Variants in MAST4 observed in about 807,000 individuals in gnomAD.
MAST4 encodes microtubule-associated serine/threonine-protein kinase 4.
A neutral mutation model predicts 162.7 loss-of-function variants in MAST4; 89 were observed. That is an observed-to-expected ratio of 0.55 (90% confidence interval 0.46 to 0.65). MAST4 has a LOEUF of 0.65. Ranked by LOEUF, MAST4 falls within the 30% of genes least tolerant of loss-of-function variation. The pLI, the probability that MAST4 is intolerant of heterozygous loss-of-function variation, is 0.00. For missense variants in MAST4, 3,153 were observed against 3,374.0 expected (o/e 0.93, Z 1.62); for synonymous variants, 1,479 against 1,361.1 (o/e 1.09, Z -1.91).
At chr5:66,662,075 C>CTT (rs34694800) in intron 1 of MAST4, among the ~76,000 whole-genome samples, 2 of 144,612 alleles carry the variant, frequency 1.4e-5, no homozygotes, top group African/African-American at 2.5e-5. Context: ...TAGTTAATCC[C>CTT]TTTTTTTTTT....
intron 1 of MAST4, among the ~76,000 whole-genome samples, chr5:66,681,784 CT>C (rs1333875070): frequency 8.5e-5 from 13 of 152,216 alleles, no homozygotes; most frequent in African/African-American, 3.1e-4. Flanking sequence ...TCTCTGCTGT[CT>C]TCTCTGTCCT....
intron 1 of MAST4, among the ~76,000 whole-genome samples, chr5:66,728,213 G>T (rs1168987553): frequency 6.6e-6 from 1 of 152,184 alleles, no homozygotes. Flanking sequence ...CACTAGGAAA[G>T]ATATGGAGCC....
chr5:67,166,827 G>T lies in MAST4; in HGVS notation c.7648G>T (p.Ala2550Ser), dbSNP rs763810975. Residue 2550 changes from alanine (A) to serine (S), a missense_variant, in exon 29 of 29, where the codon GCT (alanine) becomes TCT (serine). By Grantham distance (99) the Ala-to-Ser change is moderately conservative. Around this residue, in one of 7 missense-constraint regions of MAST4, gnomAD observed 1,644 missense variants for 1,495.0 expected, o/e 1.10. Coordinates refer to ENST00000403625, the MANE Select transcript of MAST4 (RefSeq NM_001164664.2). ...TMGGASHRDR[A>S]LSVTATVGET... ...GGGCGGGGCCAGCCACCGGGACAGG[G>T]CTCTCTCGGTGACTGCCACCGTAGG... 6.2e-7 allele frequency: 1 copy of T among 1,604,432 alleles called. No individual in the cohort carries two copies. Among genetic ancestry groups the T allele is most frequent in the Non-Finnish European group, 8.5e-7 (1 of 1,175,982 alleles).
chr5:66,681,121 T>C (rs3857274), intron 1 of MAST4, among the ~76,000 whole-genome samples: 92,497 of 152,158 alleles, frequency 0.61, 28,481 homozygotes, highest in South Asian at 0.7. Context: ...GTGCTAACTT[T>C]GCAAGTTTGT....
At chr5:66,712,345 T>C (rs1750548785) in intron 1 of MAST4, among the ~76,000 whole-genome samples, 1 of 152,340 alleles carries the variant, frequency 6.6e-6, no homozygotes, top group South Asian at 2.1e-4. Flanking sequence ...TTATAAAGAA[T>C]AGAGCATAGT....
intron 2 of MAST4, among the ~76,000 whole-genome samples, chr5:66,781,575 G>A (rs1201757635): frequency 6.6e-6 from 1 of 152,114 alleles, no homozygotes; most frequent in Admixed American, 6.5e-5. Context: ...CAAAACCCTT[G>A]AGAGCGATAT....
intron 4 of MAST4, among the ~76,000 whole-genome samples, chr5:66,913,247 A>G (rs1763892866): frequency 6.6e-6 from 1 of 152,072 alleles, no homozygotes; most frequent in Admixed American, 6.6e-5. Context: ...TCTCCCCCAG[A>G]AGTTTTCTCC....
intron 1 of MAST4, among the ~76,000 whole-genome samples, chr5:66,728,566 C>T (rs1751655197): frequency 1.3e-5 from 2 of 152,150 alleles, no homozygotes; most frequent in South Asian, 2.1e-4. Flanking sequence ...AAATTTTAGA[C>T]ATGAGATTTA....
At chr5:66,970,870 C>G (rs1272768781) in intron 4 of MAST4, among the ~76,000 whole-genome samples, 1 of 152,172 alleles carries the variant, frequency 6.6e-6, no homozygotes, top group Non-Finnish European at 1.5e-5. Flanking sequence ...ATCTATGGAG[C>G]CCACACATCT....
At chr5:66,642,733 A>G (rs1446891253) in intron 1 of MAST4, among the ~76,000 whole-genome samples, 2 of 152,198 alleles carry the variant, frequency 1.3e-5, no homozygotes, top group African/African-American at 4.8e-5. Context: ...ATACACACTG[A>G]GAATACTCAG....
intron 2 of MAST4, among the ~76,000 whole-genome samples, chr5:66,780,742 T>C (rs187758722): frequency 1.2e-4 from 17 of 146,330 alleles, no homozygotes; most frequent in Non-Finnish European, 2.4e-4. Context: ...AGAGTGCTGA[T>C]TGGTTCATTT....
chr5:66,645,670 A>G (rs73764797), intron 1 of MAST4, among the ~76,000 whole-genome samples: 2,527 of 152,306 alleles, frequency 0.017, 63 homozygotes, highest in African/African-American at 0.058. Context: ...AACCACTTAA[A>G]TATCTTGAAA....
rs1480237803 is a variant in MAST4 at position 66,606,798 on chromosome 5, A to G, written c.363+9780A>G. Among the ~76,000 whole-genome samples the G allele has an allele frequency of 2.6e-5, 4 of 152,196 alleles. No individual in the cohort carries two copies. The East Asian group carries it at 7.7e-4, about 29-fold the overall frequency. ...GGGTAAAAATAATACATTACACAAA[A>G]TCGCACTTGAGACATAATGTGTGGC... On this transcript the variant is annotated intron_variant, in intron 1 of 28. Transcript: ENST00000403625.
intron 5 of MAST4, among the ~76,000 whole-genome samples, chr5:67,076,812 T>C (rs1761707080): frequency 6.6e-6 from 1 of 152,302 alleles, no homozygotes; most frequent in Admixed American, 6.5e-5. Flanking sequence ...GGGAGTATAG[T>C]GGTTATTAAA....
intron 5 of MAST4, among the ~76,000 whole-genome samples, chr5:67,089,807 G>A (rs966320255): frequency 1.3e-5 from 2 of 152,172 alleles, no homozygotes; most frequent in Non-Finnish European, 2.9e-5. Flanking sequence ...CCTGCTCATT[G>A]AAATGTTCGC....
intron 3 of MAST4, among the ~76,000 whole-genome samples, chr5:66,835,126 T>C (rs1354214536): frequency 1.3e-5 from 2 of 152,196 alleles, no homozygotes; most frequent in African/African-American, 4.8e-5. Flanking sequence ...TGAGTGTTGC[T>C]AAAAGGAATG....
chr5:67,079,102 G>T (rs1405728111), intron 5 of MAST4, among the ~76,000 whole-genome samples: 1 of 150,030 alleles, frequency 6.7e-6, no homozygotes, highest in Non-Finnish European at 1.5e-5. Context: ...AAAGTGAAAA[G>T]TGCACTGTAC....
At position 67,051,294 on chromosome 5, in the gene MAST4, A is replaced by G. The variant is rs376954573; in HGVS notation, c.675-3110A>G. ...CACTGTTTTATCATTTAATGGGTTA[A>G]ATGAGTAGGTGTGGCCATGAACACC... On this transcript the variant is annotated intron_variant, in intron 4 of 28. Transcript: ENST00000403625. Among the ~76,000 whole-genome samples, 44 of 152,114 alleles carry G rather than the reference A, an allele frequency of 2.9e-4. 1 individual carries two copies. The South Asian group carries it at 9.1e-3, about 32-fold the overall frequency.
rs181220014 is a variant in MAST4 at position 66,827,251 on chromosome 5, T to C, written c.642+38457T>C. ...AGAATGACCAGTTTTTGTGCTGTAT[T>C]TTGCTTTAGAGATGATATTACTCCT... On this transcript the variant is annotated intron_variant, in intron 3 of 28. Transcript: ENST00000403625. Among the ~76,000 whole-genome samples, 926 of 152,340 alleles carry C rather than the reference T, an allele frequency of 6.1e-3. 5 individuals are homozygous for C. The highest frequency in any genetic ancestry group is 6.0e-3 in the Non-Finnish European group (405 of 68,028).
Sources: allele counts gnomAD v4.1 joint callset (sites outside exome capture counted in the v4.1 genomes callset), GRCh38; gene constraint gnomAD v4.1.1; regional missense constraint gnomAD v4.1.1; transcripts MANE v1.5; gene names NCBI Gene and HGNC (gene_info 2026-07-23, HGNC 2026-07-21).